ANKS1B: variants seen among roughly 807,000 people sequenced by gnomAD.
ANKS1B encodes ankyrin repeat and sterile alpha motif domain-containing protein 1B.
A neutral mutation model predicts 148.3 loss-of-function variants in ANKS1B; 36 were observed. The observed-to-expected ratio is 0.24, with a 90% CI of 0.19 to 0.32. The LOEUF is 0.32. Ranked by LOEUF, ANKS1B falls within the 10% of genes least tolerant of loss-of-function variation. ANKS1B has a pLI of 1.00. For missense variants in ANKS1B, 1,157 were observed against 1,542.6 expected, an observed-to-expected ratio of 0.75 and a Z score of 4.19; for synonymous variants, 542 against 560.8, an observed-to-expected ratio of 0.97 and a Z score of 0.47.
chr12:98,849,569 C>T (rs2099510270), intron 17 of ANKS1B, among the ~76,000 whole-genome samples: 1 of 152,126 alleles, frequency 6.6e-6, no homozygotes, highest in South Asian at 2.1e-4. Flanking sequence ...AAAAAGACTG[C>T]ATTTGAGCAA....
chr12:98,766,982 A>ATT (rs11295642), intron 25 of ANKS1B, among the ~76,000 whole-genome samples: 4 of 134,944 alleles, frequency 3.0e-5, no homozygotes, highest in Non-Finnish European at 4.8e-5. Flanking sequence ...TTATTTATTA[A>ATT]TTTTTTTTTT....
intron 14 of ANKS1B, among the ~76,000 whole-genome samples, chr12:99,216,902 G>A (rs1035961675): frequency 2.6e-5 from 4 of 152,168 alleles, no homozygotes; most frequent in African/African-American, 7.2e-5. Flanking sequence ...AATGAGCTAC[G>A]CAACTTTGGG....
At chr12:99,898,903 C>T (rs1019333461) in intron 1 of ANKS1B, among the ~76,000 whole-genome samples, 21 of 152,124 alleles carry the variant, frequency 1.4e-4, no homozygotes, top group Non-Finnish European at 2.8e-4. Context: ...ACTACATAAT[C>T]GCAAAAACAC....
intron 17 of ANKS1B, among the ~76,000 whole-genome samples, chr12:98,981,071 T>A (rs1325685951): frequency 6.6e-6 from 1 of 151,688 alleles, no homozygotes; most frequent in African/African-American, 2.4e-5. Flanking sequence ...TTTGGGAGGC[T>A]GAGGAGGGAG....
Position 99,677,405 on chromosome 12 carries a change from A to G in ANKS1B, c.1129-22195T>C, listed in dbSNP as rs560668726. ...TAGCAAATAATATAGCCTAAATAAT[A>G]TATGATTTGTTGAGGACTTTTTTGG... On this transcript the variant is annotated intron_variant, in intron 8 of 26. Transcript: ENST00000683438. Among the ~76,000 whole-genome samples the G allele has an allele frequency of 3.7e-4, 57 of 152,244 alleles. 1 individual carries two copies. The South Asian group carries it at 0.01, about 27-fold the overall frequency.
chr12:99,628,681 T>C (rs891498783), intron 9 of ANKS1B, among the ~76,000 whole-genome samples: 9 of 152,190 alleles, frequency 5.9e-5, no homozygotes, highest in African/African-American at 1.7e-4. Flanking sequence ...CTCACAGTTC[T>C]GGAGGATGGG....
chr12:99,967,709 A>C (rs2095502604), intron 1 of ANKS1B, among the ~76,000 whole-genome samples: 1 of 151,720 alleles, frequency 6.6e-6, no homozygotes, highest in Non-Finnish European at 1.5e-5. Flanking sequence ...GAGATCCAGA[A>C]CATCTTGGCC....
intron 17 of ANKS1B, among the ~76,000 whole-genome samples, chr12:98,990,427 C>T (rs900777384): frequency 6.0e-5 from 9 of 150,946 alleles, no homozygotes; most frequent in African/African-American, 2.2e-4. Flanking sequence ...ATGGAAAATT[C>T]AAGAGTCAAT....
chr12:99,356,195 G>A lies in ANKS1B; in HGVS notation c.1756+43436C>T, dbSNP rs368592991. Among the ~76,000 whole-genome samples, 24 of 152,242 alleles carry A rather than the reference G, an allele frequency of 1.6e-4. No homozygotes were observed. In the East Asian group the frequency reaches 3.7e-3, roughly 23 times the overall value. On this transcript the variant is annotated intron_variant, in intron 12 of 26. Coordinates refer to ENST00000683438, the MANE Select transcript of ANKS1B (RefSeq NM_001352186.2). Reference sequence around the variant, plus strand: ...TTGCCTACCCTGAAGGCTGAGATCTGGACCTTGTCAGGGAGGGCACAGCCA... The same window carrying A: ...TTGCCTACCCTGAAGGCTGAGATCTAGACCTTGTCAGGGAGGGCACAGCCA...
At chr12:99,268,013 G>A (rs548717905) in intron 12 of ANKS1B, among the ~76,000 whole-genome samples, 1 of 152,314 alleles carries the variant, frequency 6.6e-6, no homozygotes, top group East Asian at 1.9e-4. Context: ...AAAGTAATCA[G>A]CATAAGTGGG....
intron 17 of ANKS1B, among the ~76,000 whole-genome samples, chr12:98,969,177 G>C (rs1568090420): frequency 6.6e-6 from 1 of 152,110 alleles, no homozygotes; most frequent in Non-Finnish European, 1.5e-5. Flanking sequence ...GACTTAGATG[G>C]GAGTACAGGA....
intron 1 of ANKS1B, among the ~76,000 whole-genome samples, chr12:99,945,559 A>G (rs1305422922): frequency 6.6e-6 from 1 of 152,180 alleles, no homozygotes; most frequent in African/African-American, 2.4e-5. Context: ...TCATTCTTCA[A>G]AAGCAATTGT....
chr12:99,931,481 C>T lies in ANKS1B; in HGVS notation c.134+52623G>A, dbSNP rs12309959. 4.6e-3 allele frequency among the ~76,000 whole-genome samples: 706 copies of T among 152,184 alleles called. 10 individuals are homozygous for T. Among genetic ancestry groups the T allele is most frequent in the African/African-American group, 0.016 (663 of 41,530 alleles). On this transcript the variant is annotated intron_variant, in intron 1 of 26. Transcript: ENST00000683438. Reference sequence around the variant, plus strand: ...GGAAATATGTCTTGTAATTATGAAACTTTGATATTTTCTGCTATATAGAAG... The same window carrying T: ...GGAAATATGTCTTGTAATTATGAAATTTTGATATTTTCTGCTATATAGAAG...
At chr12:99,120,899 GCTC>G (rs779898583) in intron 15 of ANKS1B, among the ~76,000 whole-genome samples, 5 of 152,162 alleles carry the variant, frequency 3.3e-5, no homozygotes, top group Non-Finnish European at 7.4e-5. Flanking sequence ...GGAACTCATT[GCTC>G]CTGGACATTG....
chr12:99,395,989 A>G (rs2094230588), intron 12 of ANKS1B, among the ~76,000 whole-genome samples: 1 of 152,184 alleles, frequency 6.6e-6, no homozygotes, highest in Admixed American at 6.5e-5. Flanking sequence ...TTGGTCAGCT[A>G]CCTTGGCATA....
At chr12:99,084,555 T>C (rs949501380) in intron 16 of ANKS1B, among the ~76,000 whole-genome samples, 6 of 152,058 alleles carry the variant, frequency 3.9e-5, no homozygotes, top group East Asian at 1.9e-4. Context: ...TAAAAATACA[T>C]ACACACACAA....
chr12:99,335,030 T>C (rs919685801), intron 12 of ANKS1B, among the ~76,000 whole-genome samples: 3 of 152,098 alleles, frequency 2.0e-5, no homozygotes, highest in African/African-American at 7.2e-5. Flanking sequence ...ACAATCCTAT[T>C]GAGTCCTCGC....
intron 8 of ANKS1B, among the ~76,000 whole-genome samples, chr12:99,759,069 T>C (rs1181991548): frequency 1.3e-5 from 2 of 151,900 alleles, no homozygotes; most frequent in Non-Finnish European, 2.9e-5. Flanking sequence ...TTTAAAGTCT[T>C]TATTTCCTGT....
At chr12:98,892,436 C>A (rs2099754626) in intron 17 of ANKS1B, among the ~76,000 whole-genome samples, 1 of 152,304 alleles carries the variant, frequency 6.6e-6, no homozygotes, top group African/African-American at 2.4e-5. Context: ...TGTACTCTGT[C>A]AATTTATACC....
Sources: allele counts gnomAD v4.1 joint callset (sites outside exome capture counted in the v4.1 genomes callset), GRCh38; gene constraint gnomAD v4.1.1; transcripts MANE v1.5; gene names NCBI Gene and HGNC (gene_info 2026-07-23, HGNC 2026-07-21).